The following PGLYRP4 variants were observed in gnomAD, a reference collection of about 807,000 sequenced individuals.
PGLYRP4 encodes PGRP-I-beta.
A neutral mutation model predicts 41.2 loss-of-function variants in PGLYRP4; 39 were observed. The observed-to-expected ratio is 0.95, with a 90% CI of 0.73 to 1.24. The LOEUF is 1.24. Among genes scored for constraint, PGLYRP4 ranks in the 50% most tolerant of loss-of-function variants. The probability of loss-of-function intolerance (pLI) is 0.00; values close to 1 mark genes in which losing one functional copy is unlikely to be tolerated. For missense variants in PGLYRP4, 467 were observed against 460.7 expected (o/e 1.01, Z -0.13); for synonymous variants, 202 against 186.8 (o/e 1.08, Z -0.66).
chr1:153,332,024 C>A (rs769994229), intron 8 of PGLYRP4, among the ~76,000 whole-genome samples: 1 of 152,064 alleles, frequency 6.6e-6, no homozygotes, highest in Non-Finnish European at 1.5e-5. Context: ...TATAGGCTGA[C>A]TAATGAATAA....
intron 4 of PGLYRP4, among the ~76,000 whole-genome samples, chr1:153,344,859 C>T (rs1557831058): frequency 6.6e-6 from 1 of 152,104 alleles, no homozygotes; most frequent in African/African-American, 2.4e-5. Context: ...GTCGGGAGAG[C>T]TAAAGCCCTC....
intron 7 of PGLYRP4, among the ~76,000 whole-genome samples, chr1:153,337,595 C>A (rs971796341): frequency 2.6e-5 from 4 of 152,128 alleles, no homozygotes; most frequent in African/African-American, 7.2e-5. Flanking sequence ...ATTTAACAAC[C>A]AGCTCTCAAA....
chr1:153,334,390 G>GTA, intron 8 of PGLYRP4, among the ~76,000 whole-genome samples: 1 of 148,360 alleles, frequency 6.7e-6, no homozygotes, highest in South Asian at 2.1e-4. Flanking sequence ...TTCCTAGTGT[G>GTA]TATATATATG....
At chr1:153,341,605 T>C (rs1057257539) in intron 6 of PGLYRP4, 22 bp downstream of exon 6, 65 of 1,599,092 alleles carry the variant, frequency 4.1e-5, no homozygotes, top group Non-Finnish European at 5.4e-5. Context: ...GCAGGCCCAG[T>C]AGGGCTGAAG....
chr1:153,331,713 A>G (rs1660342814), intron 8 of PGLYRP4: 1 of 152,480 alleles, frequency 6.6e-6, no homozygotes, highest in Non-Finnish European at 1.5e-5. Context: ...AAATTCGTGA[A>G]GCATTCCATA....
chr1:153,335,340 C>A (rs1660510076), intron 8 of PGLYRP4, among the ~76,000 whole-genome samples: 1 of 152,090 alleles, frequency 6.6e-6, no homozygotes, highest in African/African-American at 2.4e-5. Context: ...ACTCAAACAA[C>A]TTTTAAGGAA....
chr1:153,341,505 GGCCAGTT>G (rs1660797305), intron 6 of PGLYRP4, 115 bp downstream of exon 6: 1 of 863,672 alleles, frequency 1.2e-6, no homozygotes, highest in Admixed American at 2.5e-5. Flanking sequence ...AGAGTTGGGT[GGCCAGTT>G]GCCTTCCAGA....
chr1:153,344,896 G>A, intron 4 of PGLYRP4: 1 of 394,206 alleles, frequency 2.5e-6, no homozygotes, highest in South Asian at 2.7e-5. Context: ...TTTGCAATCT[G>A]TAGTGTGCTG....
chr1:153,330,583 T>C lies in PGLYRP4; in HGVS notation c.*184A>G. 1 of 484,974 alleles carries C rather than the reference T, an allele frequency of 2.1e-6. No individual in the cohort carries two copies. The highest frequency in any genetic ancestry group is 3.8e-6 in the Non-Finnish European group (1 of 263,910). The allele number at this position is 484,974 out of a possible 1,614,324, so 30.0% of individuals were successfully genotyped here. A position where few individuals can be genotyped will look rare whatever the true frequency, so the allele number is the denominator to read the frequency against. On this transcript the variant is annotated 3_prime_UTR_variant, in exon 9 of 9. Transcript: ENST00000359650. ...TCAGAGGGCTGTGAATGTCCAGCTA[T>C]GAGGTTTGGAGGCCCTTGGAGGATG...
intron 7 of PGLYRP4, 127 bp downstream of exon 7, chr1:153,340,254 G>T: frequency 1.3e-6 from 1 of 788,008 alleles, no homozygotes; most frequent in Non-Finnish European, 2.1e-6. Context: ...GAATTCATTT[G>T]GTTATCCATA....
intron 5 of PGLYRP4, among the ~76,000 whole-genome samples, chr1:153,342,721 T>C (rs1430617731): frequency 6.6e-6 from 1 of 151,548 alleles, no homozygotes; most frequent in Non-Finnish European, 1.5e-5. Flanking sequence ...TTGGAAAGCA[T>C]GGCCCACAGC....
chr1:153,343,003 G>A (rs1164728059), intron 5 of PGLYRP4, 87 bp downstream of exon 5: 5 of 764,014 alleles, frequency 6.5e-6, no homozygotes, highest in Middle Eastern at 3.1e-4. Context: ...AGACAGCAGA[G>A]TAGCAGATAG....
In PGLYRP4 at chr1:153,345,354, G is replaced by A. The variant is rs762644781; in HGVS notation, c.168C>T (p.Val56=). The part of the protein sequence containing the change: ...KGLPTDVSTT[V]SRKAWGAEAV... ...CTTCTGCCCCCCATGCCTTGCGAGA[G>A]ACCGTGGTGGAGACATCTGTGGGAA... The change falls in exon 4 of 9, where the codon GTC becomes GTT. Residue 56 remains valine (V), a synonymous_variant. Coordinates refer to ENST00000359650, the MANE Select transcript of PGLYRP4 (RefSeq NM_020393.4). 6 of 1,614,060 alleles carry A rather than the reference G, an allele frequency of 3.7e-6. No homozygotes were observed. In the African/African-American group the frequency reaches 4.0e-5, roughly 11 times the overall value.
chr1:153,341,910 C>A, intron 5 of PGLYRP4, 131 bp from the exon 6 acceptor site: 1 of 769,574 alleles, frequency 1.3e-6, no homozygotes. Context: ...GGTTATGCCC[C>A]CAGTTGGAGA....
chr1:153,342,818 T>A (rs2916213), intron 5 of PGLYRP4, among the ~76,000 whole-genome samples: 2 of 152,050 alleles, frequency 1.3e-5, no homozygotes, highest in Non-Finnish European at 2.9e-5. Flanking sequence ...TGCAGAGAGA[T>A]GACTGGTCAG....
At chr1:153,345,132 C>G (rs780666431) in intron 4 of PGLYRP4, 37 bp downstream of exon 4, 5 of 1,531,422 alleles carry the variant, frequency 3.3e-6, no homozygotes, top group East Asian at 2.3e-5. Context: ...GGAAGCAACA[C>G]TGACCATGTG....
In PGLYRP4 at chr1:153,347,934, C is replaced by T. The variant is rs150367908; in HGVS notation, c.-2G>A. On this transcript the variant is annotated 5_prime_UTR_variant, in exon 2 of 9. Transcript: ENST00000359650. Reference sequence around the variant, plus strand: ...GAAGACAAGAAGCCACGGCAGCATCCCCACGTGGTCCCAGGACACCAATCT... The same window carrying T: ...GAAGACAAGAAGCCACGGCAGCATCTCCACGTGGTCCCAGGACACCAATCT... The T allele has an allele frequency of 9.3e-6, 15 of 1,612,940 alleles. No homozygotes were observed. In the African/African-American group the frequency reaches 1.5e-4, roughly 16 times the overall value.
At chr1:153,334,480 A>T (rs958628454) in intron 8 of PGLYRP4, among the ~76,000 whole-genome samples, 5 of 123,808 alleles carry the variant, frequency 4.0e-5, no homozygotes, top group Non-Finnish European at 7.2e-5. Flanking sequence ...ATATATATTT[A>T]TATATATATA....
Position 153,341,773 on chromosome 1 carries a change from C to T in PGLYRP4, c.479G>A (p.Ser160Asn). 1.9e-6 allele frequency: 3 copies of T among 1,612,970 alleles called. No homozygotes were observed. Among genetic ancestry groups the T allele is most frequent in the Non-Finnish European group, 2.5e-6 (3 of 1,179,658 alleles). The change falls in exon 6 of 9, where the codon AGT (serine) becomes AAT (asparagine). Residue 160 changes from serine to asparagine, a missense_variant. By Grantham distance (46) the Ser-to-Asn change is conservative. Coordinates refer to ENST00000359650, the MANE Select transcript of PGLYRP4 (RefSeq NM_020393.4). ...GGCCGACAGGGCAGCAGGGCTGGGA[C>T]TGTGGCCTAGAAGAGAGAAATCTGT... is the stretch of plus-strand genomic sequence containing the variant. ...FAFFGTKKGHSPSPAALSAME... is the reference protein window; with the variant it reads ...FAFFGTKKGHNPSPAALSAME...
Sources: allele counts gnomAD v4.1 joint callset (sites outside exome capture counted in the v4.1 genomes callset), GRCh38; gene constraint gnomAD v4.1.1; transcripts MANE v1.5; gene names NCBI Gene and HGNC (gene_info 2026-07-23, HGNC 2026-07-21).